The following CNTN1 variants were observed in gnomAD, a reference collection of about 807,000 sequenced individuals.
CNTN1 encodes contactin 1, also known as contactin-1.
A neutral mutation model predicts 126.4 loss-of-function variants in CNTN1; 38 were observed. That is an observed-to-expected ratio of 0.30 (90% CI 0.23 to 0.39). CNTN1 has a LOEUF of 0.39. Ranked by LOEUF, CNTN1 falls within the 10% of genes least tolerant of loss-of-function variation. The pLI is 1.00. For synonymous variants in CNTN1, 413 were observed against 422.6 expected, an observed-to-expected ratio of 0.98 and a Z score of 0.28; for missense variants, 1,009 against 1,248.4, an observed-to-expected ratio of 0.81 and a Z score of 2.89.
intron 1 of CNTN1, among the ~76,000 whole-genome samples, chr12:40,697,038 T>C (rs1283398830): frequency 6.6e-6 from 1 of 152,232 alleles, no homozygotes; most frequent in East Asian, 1.9e-4. Flanking sequence ...TATTCTATGA[T>C]AGATCTTCAG....
chr12:40,811,840 AC>A (rs1247707803), intron 1 of CNTN1, among the ~76,000 whole-genome samples: 1 of 143,630 alleles, frequency 7.0e-6, no homozygotes, highest in Non-Finnish European at 1.5e-5. Context: ...AAAAAAAAAA[AC>A]TCTTAGTGTC....
chr12:40,767,883 A>T (rs1260455382), intron 1 of CNTN1, among the ~76,000 whole-genome samples: 3 of 152,238 alleles, frequency 2.0e-5, no homozygotes, highest in Non-Finnish European at 4.4e-5. Context: ...CTAGTAAATT[A>T]TAAGGCCCAT....
At chr12:40,956,997 T>C (rs552508530) in intron 14 of CNTN1, among the ~76,000 whole-genome samples, 1 of 151,784 alleles carries the variant, frequency 6.6e-6, no homozygotes, top group Admixed American at 6.6e-5. Flanking sequence ...ATGAGAAAGT[T>C]GAAGAAAGGG....
At chr12:40,696,121 A>G (rs1941445396) in intron 1 of CNTN1, among the ~76,000 whole-genome samples, 1 of 152,232 alleles carries the variant, frequency 6.6e-6, no homozygotes, top group African/African-American at 2.4e-5. Context: ...GGTTTGGCCC[A>G]TGGTAATTAC....
At chr12:40,783,320 T>G (rs1182160884) in intron 1 of CNTN1, among the ~76,000 whole-genome samples, 1 of 152,038 alleles carries the variant, frequency 6.6e-6, no homozygotes, top group Non-Finnish European at 1.5e-5. Context: ...GAATAAAATA[T>G]AGCTGTGTGA....
At chr12:40,807,044 G>A (rs943271581) in intron 1 of CNTN1, among the ~76,000 whole-genome samples, 2 of 152,038 alleles carry the variant, frequency 1.3e-5, no homozygotes, top group Non-Finnish European at 2.9e-5. Flanking sequence ...ACTATACCAA[G>A]CACAGGAACG....
intron 1 of CNTN1, among the ~76,000 whole-genome samples, chr12:40,759,058 C>G (rs560062206): frequency 2.7e-4 from 41 of 152,156 alleles, no homozygotes; most frequent in African/African-American, 9.4e-4. Flanking sequence ...CATGTATCAC[C>G]ATGCCTGGCT....
At chr12:40,861,482 G>GT (rs1167029957) in intron 1 of CNTN1, among the ~76,000 whole-genome samples, 7 of 152,102 alleles carry the variant, frequency 4.6e-5, no homozygotes, top group Admixed American at 2.0e-4. Context: ...GAAAATAAGT[G>GT]TAAGTAATTT....
At chr12:41,063,638 T>C (rs1309635567) in intron 23 of CNTN1, among the ~76,000 whole-genome samples, 1 of 152,190 alleles carries the variant, frequency 6.6e-6, no homozygotes, top group Admixed American at 6.5e-5. Flanking sequence ...CCTGCTTCCT[T>C]GGCCAGAGTG....
At chr12:40,845,951 T>A (rs1592151359) in intron 1 of CNTN1, among the ~76,000 whole-genome samples, 2 of 152,292 alleles carry the variant, frequency 1.3e-5, no homozygotes, top group South Asian at 4.1e-4. Context: ...CAGTAAAAAA[T>A]GATTACCGAC....
chr12:41,065,441 G>A (rs560815326), intron 23 of CNTN1, among the ~76,000 whole-genome samples: 5 of 152,278 alleles, frequency 3.3e-5, no homozygotes, highest in East Asian at 1.9e-4. Context: ...CCTGTAGTCC[G>A]ACAAAGCCAG....
chr12:40,853,530 A>G lies in CNTN1; in HGVS notation c.-76-54827A>G, dbSNP rs138001646. ...TCCAACATGTGATGGTCATGTTTAC[A>G]TTGTCTTAGTCTGGCTTCATTAACT... On this transcript the variant is annotated intron_variant, in intron 1 of 23. Transcript: ENST00000551295. 7.2e-5 allele frequency among the ~76,000 whole-genome samples: 11 copies of G among 152,222 alleles called. No homozygotes were observed. The East Asian group carries it at 7.7e-4, about 11-fold the overall frequency.
intron 23 of CNTN1, among the ~76,000 whole-genome samples, chr12:41,035,645 C>T (rs550975498): frequency 1.3e-5 from 2 of 152,158 alleles, no homozygotes; most frequent in Admixed American, 1.3e-4. Context: ...AACAGGTACA[C>T]AAGTTTTTGG....
intron 1 of CNTN1, among the ~76,000 whole-genome samples, chr12:40,872,257 T>TGA (rs1257207990): frequency 1.4e-5 from 2 of 146,666 alleles, no homozygotes; most frequent in African/African-American, 5.1e-5. Flanking sequence ...TGTGTGTGTG[T>TGA]GTGTTTTCCC....
At chr12:40,809,002 G>A (rs1005593067) in intron 1 of CNTN1, among the ~76,000 whole-genome samples, 10 of 151,744 alleles carry the variant, frequency 6.6e-5, no homozygotes, top group Admixed American at 6.6e-4. Context: ...CAAGAATTTT[G>A]CATCTGACGA....
intron 1 of CNTN1, among the ~76,000 whole-genome samples, chr12:40,697,902 C>G (rs1441286728): frequency 6.6e-6 from 1 of 152,196 alleles, no homozygotes; most frequent in Non-Finnish European, 1.5e-5. Flanking sequence ...GTTACTCAGC[C>G]AGAGCAGGGC....
intron 1 of CNTN1, among the ~76,000 whole-genome samples, chr12:40,836,274 ATG>A (rs1190358979): frequency 6.7e-6 from 1 of 148,324 alleles, no homozygotes; most frequent in Admixed American, 6.8e-5. Context: ...TATAATATGT[ATG>A]TATATATAAC....
chr12:41,056,477 A>G (rs563922876), intron 23 of CNTN1, among the ~76,000 whole-genome samples: 26 of 152,288 alleles, frequency 1.7e-4, no homozygotes, highest in African/African-American at 5.8e-4. Context: ...TTGGGACATG[A>G]CATAGCAACA....
chr12:41,070,703 A>C lies in CNTN1; in HGVS notation c.*668A>C, dbSNP rs1260475139. The C allele has an allele frequency of 6.6e-6, 1 of 152,214 alleles. No individual in the cohort carries two copies. Among genetic ancestry groups the C allele is most frequent in the Non-Finnish European group, 1.5e-5 (1 of 68,092 alleles). The allele number at this position is 152,214 out of a possible 1,614,324, so 9.4% of individuals were successfully genotyped here. A position where few individuals can be genotyped will look rare whatever the true frequency, so the allele number is the denominator to read the frequency against. On this transcript the variant is annotated 3_prime_UTR_variant, in exon 24 of 24. Coordinates refer to ENST00000551295, the MANE Select transcript of CNTN1 (RefSeq NM_001843.4). ...ATAATTTTCTAAATATTTGATTTTC[A>C]GAATCAGTTTTTTAATAGTAAAGTT... is the stretch of plus-strand genomic sequence containing the variant.
Sources: allele counts gnomAD v4.1 joint callset (sites outside exome capture counted in the v4.1 genomes callset), GRCh38; gene constraint gnomAD v4.1.1; transcripts MANE v1.5; gene names NCBI Gene and HGNC (gene_info 2026-07-23, HGNC 2026-07-21).